The following ASMTL variants were observed in gnomAD, a reference collection of about 807,000 sequenced individuals.
The protein encoded by ASMTL is probable bifunctional dTTP/UTP pyrophosphatase/methyltransferase protein.
A neutral mutation model predicts 60.3 loss-of-function variants in ASMTL; 57 were observed. The ratio of observed to expected loss-of-function variants is 0.95; its 90% CI spans 0.76 to 1.18. The LOEUF is 1.18. Among genes scored for constraint, ASMTL ranks in the 50% most tolerant of loss-of-function variants. ASMTL has a pLI of 0.00. For synonymous variants in ASMTL, 419 were observed against 373.0 expected (o/e 1.12, Z -1.42); for missense variants, 981 against 852.6 (o/e 1.15, Z -1.88).
At chrX:1,413,344 A>G (rs1292362016) in intron 11 of ASMTL, among the ~76,000 whole-genome samples, 4 of 139,894 alleles carry the variant, frequency 2.9e-5, no homozygotes, top group Non-Finnish European at 4.8e-5. Context: ...CCTGGGCGAC[A>G]AGAAGGCAAG....
intron 6 of ASMTL, among the ~76,000 whole-genome samples, chrX:1,431,033 TATTA>T (rs1355594940): frequency 7.4e-6 from 1 of 135,120 alleles, no homozygotes; most frequent in Non-Finnish European, 1.5e-5. Context: ...CAGTTACATA[TATTA>T]ATCATATTTA....
At chrX:1,413,230 CG>C in intron 11 of ASMTL, 1 of 196,312 alleles carries the variant, frequency 5.1e-6, no homozygotes, top group Admixed American at 5.3e-5. Flanking sequence ...ACAGGGGTGG[CG>C]GGCGCCTGTC....
intron 11 of ASMTL, among the ~76,000 whole-genome samples, chrX:1,415,467 TTG>T (rs1484055465): frequency 3.2e-5 from 1 of 30,984 alleles, no homozygotes; most frequent in Non-Finnish European, 8.3e-5. Context: ...ATTATTATCA[TTG>T]TCTTTTTTTT....
At chrX:1,416,582 C>G (rs2090280006) in intron 11 of ASMTL, among the ~76,000 whole-genome samples, 1 of 107,338 alleles carries the variant, frequency 9.3e-6, no homozygotes, top group Non-Finnish European at 2.2e-5. Context: ...GACGCAGACA[C>G]ACAGACATAC....
At chrX:1,426,550 C>T (rs1189565614) in intron 7 of ASMTL, among the ~76,000 whole-genome samples, 1 of 152,158 alleles carries the variant, frequency 6.6e-6, no homozygotes, top group African/African-American at 2.4e-5. Flanking sequence ...CTGAACAGAA[C>T]AGCTGAAAGA....
At chrX:1,440,283 G>A (rs1303591086) in intron 2 of ASMTL, among the ~76,000 whole-genome samples, 2 of 151,990 alleles carry the variant, frequency 1.3e-5, no homozygotes, top group Admixed American at 6.6e-5. Context: ...GTACAGACGG[G>A]GTTTCACCGT....
At position 1,412,957 on chromosome X, in the gene ASMTL, G is replaced by A. The variant is rs1283099670; in HGVS notation, c.1523-103C>T. 3.0e-6 allele frequency: 4 copies of A among 1,317,860 alleles called. No individual in the cohort carries two copies. In the Admixed American group the frequency reaches 5.3e-5, roughly 17 times the overall value. The allele number at this position is 1,317,860 out of a possible 1,614,324, so 81.6% of individuals were successfully genotyped here. A position where few individuals can be genotyped will look rare whatever the true frequency, so the allele number is the denominator to read the frequency against. ...ACCCGCATCCTAAATCAGGGACAGA[G>A]AAGAGAGGGGTGTGGGCGGGAATGG... On this transcript the variant is annotated intron_variant, in intron 11 of 12. Coordinates refer to ENST00000381317, the MANE Select transcript of ASMTL (RefSeq NM_004192.4).
At chrX:1,417,146 A>G (rs1436176722) in intron 11 of ASMTL, among the ~76,000 whole-genome samples, 1 of 151,334 alleles carries the variant, frequency 6.6e-6, no homozygotes, top group Admixed American at 6.6e-5. Flanking sequence ...CAACCACAGC[A>G]GTCACATATG....
chrX:1,404,585 G>T lies in ASMTL; in HGVS notation c.1646-1096C>A, dbSNP rs769428528. Reference sequence around the variant, plus strand: ...ATGCATGCATGAGATGGATGGATGGGTGTATAGATGATAGATGATGGGTAG... The same window carrying T: ...ATGCATGCATGAGATGGATGGATGGTTGTATAGATGATAGATGATGGGTAG... On this transcript the variant is annotated intron_variant, in intron 12 of 12. Coordinates refer to ENST00000381317, the MANE Select transcript of ASMTL (RefSeq NM_004192.4). 2.0e-5 allele frequency among the ~76,000 whole-genome samples: 3 copies of T among 151,600 alleles called. No individual in the cohort carries two copies. In the East Asian group the frequency reaches 5.9e-4, roughly 30 times the overall value.
In ASMTL at chrX:1,421,689, G is replaced by A. The variant is rs202236916; in HGVS notation, c.1214C>T (p.Ala405Val). ...CAGATCTTCCGCCTTCTTCCCCAAC[G>A]CCCTGTGGTGCTGGTTTGTTCCCTC... is the stretch of plus-strand genomic sequence containing the variant. ...IREGTNQHHR[A>V]LGKKAEDLFQ... The change falls in exon 9 of 13, where the codon GCG becomes GTG. Residue 405 changes from alanine to valine, a missense_variant. Physicochemically the swap from Ala to Val is moderately conservative, Grantham distance 64 (BLOSUM62 0). Coordinates refer to ENST00000381317, the MANE Select transcript of ASMTL (RefSeq NM_004192.4). 5.6e-5 allele frequency: 91 copies of A among 1,613,788 alleles called. 1 individual carries two copies. Among genetic ancestry groups the A allele is most frequent in the Non-Finnish European group, 7.1e-5 (84 of 1,179,848 alleles).
rs768672853 is a variant in ASMTL, at chrX:1,421,822, C to T, written c.1081G>A (p.Ala361Thr). The T allele has an allele frequency of 1.4e-4, 223 of 1,613,872 alleles. No homozygotes were observed. In the South Asian group the frequency reaches 1.6e-3, roughly 12 times the overall value. The part of the protein sequence containing the change: ...TEQGYSNTET[A>T]NVYLASDGEY... Reference sequence around the variant, plus strand: ...CCATCCGATGCCAGGTAGACGTTCGCTGTCTCTGTGTTACTGTAACCTGGA... The same window carrying T: ...CCATCCGATGCCAGGTAGACGTTCGTTGTCTCTGTGTTACTGTAACCTGGA... The change falls in exon 9 of 13, where the codon GCG (alanine) becomes ACG (threonine). Residue 361 changes from alanine (A) to threonine (T), a missense_variant. Transcript: ENST00000381317.
At chrX:1,449,321 G>C (rs1248261313) in intron 1 of ASMTL, among the ~76,000 whole-genome samples, 1 of 151,810 alleles carries the variant, frequency 6.6e-6, no homozygotes, top group Admixed American at 6.6e-5. Flanking sequence ...TCCTGGCCCT[G>C]ACGCCCATCC....
At chrX:1,431,470 A>G (rs1487575681) in intron 6 of ASMTL, among the ~76,000 whole-genome samples, 1 of 135,574 alleles carries the variant, frequency 7.4e-6, no homozygotes, top group African/African-American at 2.6e-5. Context: ...TAGATGGTAT[A>G]TATTACATTA....
chrX:1,411,769 T>G (rs1230250352), intron 12 of ASMTL, among the ~76,000 whole-genome samples: 1 of 151,334 alleles, frequency 6.6e-6, no homozygotes, highest in East Asian at 1.9e-4. Flanking sequence ...CCACTTCAAC[T>G]TCACGAATAG....
intron 11 of ASMTL, among the ~76,000 whole-genome samples, chrX:1,417,753 G>C (rs1372619188): frequency 0.014 from 95 of 6,644 alleles, no homozygotes; most frequent in Admixed American, 0.028. Context: ...CTCACGCACA[G>C]ACATGCTCCA....
At chrX:1,443,140 C>CACCGCCGTCGTGGACACAA (rs1373341125) in intron 1 of ASMTL, among the ~76,000 whole-genome samples, 3 of 139,510 alleles carry the variant, frequency 2.2e-5, no homozygotes, top group East Asian at 2.2e-4. Flanking sequence ...CGTGGACACA[C>CACCGCCGTCGTGGACACAA]GCCGCCATCT....
At chrX:1,411,293 C>T (rs1313940113) in intron 12 of ASMTL, among the ~76,000 whole-genome samples, 1 of 152,208 alleles carries the variant, frequency 6.6e-6, no homozygotes, top group Non-Finnish European at 1.5e-5. Flanking sequence ...AGTCCTGTTT[C>T]AACGCGCAGG....
chrX:1,438,658 G>A (rs745778984), intron 3 of ASMTL, among the ~76,000 whole-genome samples: 11 of 152,294 alleles, frequency 7.2e-5, no homozygotes, highest in African/African-American at 1.4e-4. Context: ...GATTACAGGC[G>A]GAGTCTGTAT....
At chrX:1,424,439 TGCA>T in intron 8 of ASMTL, among the ~76,000 whole-genome samples, 2 of 112,528 alleles carry the variant, frequency 1.8e-5, no homozygotes, top group Middle Eastern at 5.5e-3. Flanking sequence ...CACCCAGCCG[TGCA>T]CCCATCCATC....
Sources: allele counts gnomAD v4.1 joint callset (sites outside exome capture counted in the v4.1 genomes callset), GRCh38; gene constraint gnomAD v4.1.1; transcripts MANE v1.5; gene names NCBI Gene and HGNC (gene_info 2026-07-23, HGNC 2026-07-21).